UNC45B: variants seen among roughly 807,000 people sequenced by gnomAD.
UNC45B encodes unc-45 myosin chaperone B, also known as protein unc-45 homolog B.
A neutral mutation model predicts 98.7 loss-of-function variants in UNC45B; 78 were observed. The ratio of observed to expected loss-of-function variants is 0.79; its 90% CI spans 0.66 to 0.95. The LOEUF is 0.95. Among genes scored for constraint, UNC45B ranks in the 40% least tolerant of loss-of-function variants. The pLI, the probability that UNC45B is intolerant of heterozygous loss-of-function variation, is 0.00. For synonymous variants in UNC45B, 462 were observed against 480.4 expected, an observed-to-expected ratio of 0.96 and a Z score of 0.50; for missense variants, 1,225 against 1,184.9, an observed-to-expected ratio of 1.03 and a Z score of -0.50.
rs767007355 is a variant in UNC45B, at chr17:35,176,049, G to GC, written c.2025+17dup. On this transcript the variant is annotated intron_variant, in intron 15 of 19. Coordinates refer to ENST00000394570, the MANE Select transcript of UNC45B (RefSeq NM_001267052.2). ...GTGGTGGCAAGGTAACTGGGCAGGT[G>GC]CCTTCCTAGAAGGTGCCTTTGTGCA... 1.2e-6 allele frequency: 2 copies of GC among 1,613,270 alleles called. No individual in the cohort carries two copies. Among genetic ancestry groups the GC allele is most frequent in the Admixed American group, 3.3e-5 (2 of 59,990 alleles).
chr17:35,151,004 C>T (rs1049165402), intron 4 of UNC45B, among the ~76,000 whole-genome samples: 1 of 152,136 alleles, frequency 6.6e-6, no homozygotes, highest in African/African-American at 2.4e-5. Flanking sequence ...CAACCTCTTT[C>T]TCCTGGGTTT....
At chr17:35,152,477 T>G (rs1597905299) in intron 4 of UNC45B, among the ~76,000 whole-genome samples, 1 of 152,192 alleles carries the variant, frequency 6.6e-6, no homozygotes, top group Non-Finnish European at 1.5e-5. Context: ...TGAAAGCTGC[T>G]TCGTCTACAT....
At position 35,168,350 on chromosome 17, in the gene UNC45B, C is replaced by T. The variant is rs764784381; in HGVS notation, c.1441C>T (p.Arg481Cys). Residue 481 changes from arginine (R) to cysteine (C), a missense_variant, in exon 10 of 20, where the codon CGC becomes TGC. Coordinates refer to ENST00000394570, the MANE Select transcript of UNC45B (RefSeq NM_001267052.2). ...CACCAAAAATGAGAAGATCAAGATC[C>T]GCACACTGGTGGTGAGTGGGCTCGG... is the stretch of plus-strand genomic sequence containing the variant. ...KTTKNEKIKI[R>C]TLVGLCKLGS... The T allele has an allele frequency of 1.3e-5, 17 of 1,358,822 alleles. No homozygotes were observed. The highest frequency in any genetic ancestry group is 3.9e-4 in the Middle Eastern group (2 of 5,080). 84.2% of individuals were successfully genotyped at this position (1,358,822 alleles called of 1,614,324 possible). A position where few individuals can be genotyped will look rare whatever the true frequency, so the allele number is the denominator to read the frequency against.
chr17:35,187,017 C>T lies in UNC45B; in HGVS notation c.*458C>T, dbSNP rs1158919314. On this transcript the variant is annotated 3_prime_UTR_variant, in exon 20 of 20. Transcript: ENST00000394570. ...GACCTCTCTCCCACACTATTTGAATCAGTCTGTTCAGAACTGTGTGTTTCA... is the reference window on the plus strand; with the variant it reads ...GACCTCTCTCCCACACTATTTGAATTAGTCTGTTCAGAACTGTGTGTTTCA... 8 of 178,356 alleles carry T rather than the reference C, an allele frequency of 4.5e-5. 1 individual carries two copies. The highest frequency in any genetic ancestry group is 1.1e-4 in the Admixed American group (2 of 18,698). 11.0% of individuals were successfully genotyped at this position (178,356 alleles called of 1,614,324 possible).
rs143327878 is a variant in UNC45B at position 35,164,155 on chromosome 17, G to A, written c.1140G>A (p.Glu380=). ...PERDHFRKIC[E]EYITGKFDPQ... ...GCGATCACTTCCGCAAGATCTGTGA[G>A]GAATATATCACGTAAGTTTCCTGGA... The change falls in exon 9 of 20, where the codon GAG becomes GAA. Residue 380 remains glutamate, a synonymous_variant. Transcript: ENST00000394570. 540 of 1,609,770 alleles carry A rather than the reference G, an allele frequency of 3.4e-4. 4 individuals are homozygous for A. In the African/African-American group the frequency reaches 6.6e-3, roughly 20 times the overall value.
rs2062115 is a variant in UNC45B at position 35,171,623 on chromosome 17, A to C, written c.1830+161A>C. On this transcript the variant is annotated intron_variant, in intron 13 of 19. Coordinates refer to ENST00000394570, the MANE Select transcript of UNC45B (RefSeq NM_001267052.2). ...GAATATGTTAATGGTAAACTTTCCC[A>C]CCAGATGGTGCTCATGCTTTTTCTT... is the stretch of plus-strand genomic sequence containing the variant. Among the ~76,000 whole-genome samples the C allele has an allele frequency of 0.081, 12,370 of 152,314 alleles. 647 individuals are homozygous for C. Among genetic ancestry groups the C allele is most frequent in the East Asian group, 0.14 (737 of 5,186 alleles).
At chr17:35,180,486 TG>T in intron 17 of UNC45B, 72 bp from the exon 18 acceptor site, 3 of 1,187,072 alleles carry the variant, frequency 2.5e-6, no homozygotes, top group Non-Finnish European at 3.7e-6. Context: ...GAATGGTCCC[TG>T]GGTGGCCAGA....
chr17:35,185,161 C>T (rs1036085889), intron 19 of UNC45B, among the ~76,000 whole-genome samples: 1 of 152,106 alleles, frequency 6.6e-6, no homozygotes, highest in Non-Finnish European at 1.5e-5. Flanking sequence ...TGCTCAAAAG[C>T]CAAGAATTTG....
At position 35,148,371 on chromosome 17, in the gene UNC45B, C is replaced by A; in HGVS notation, c.108C>A (p.Thr36=). 1.2e-6 allele frequency: 2 copies of A among 1,614,104 alleles called. No individual in the cohort carries two copies. The highest frequency in any genetic ancestry group is 1.7e-6 in the Non-Finnish European group (2 of 1,180,014). Residue 36 remains threonine (T), a synonymous_variant, in exon 2 of 20, where the codon ACC becomes ACA. Transcript: ENST00000394570. The part of the protein sequence containing the change: ...TNSYSQALKL[T]KDKALLATLY... ...GCTACAGCCAGGCCCTGAAGCTGAC[C>A]AAGGACAAGGCCCTGCTGGCCACGC...
chr17:35,178,573 T>C (rs1009988474), intron 17 of UNC45B, among the ~76,000 whole-genome samples: 152 of 152,360 alleles, frequency 1.0e-3, no homozygotes, highest in African/African-American at 3.5e-3. Context: ...TTGGCTTTTG[T>C]TGCCATTGCT....
At chr17:35,175,430 G>A (rs2092225878) in intron 14 of UNC45B, among the ~76,000 whole-genome samples, 1 of 152,188 alleles carries the variant, frequency 6.6e-6, no homozygotes, top group South Asian at 2.1e-4. Context: ...TGGGTGGGCA[G>A]CTGGTAAGGC....
In UNC45B at chr17:35,176,997, G is replaced by T; in HGVS notation, c.2026-20G>T. The T allele has an allele frequency of 6.2e-7, 1 of 1,601,470 alleles. No homozygotes were observed. Among genetic ancestry groups the T allele is most frequent in the South Asian group, 1.1e-5 (1 of 90,572 alleles). On this transcript the variant is annotated intron_variant, in intron 15 of 19. Transcript: ENST00000394570. ...CTCTGGATGTCTGTGACTAAGTAGT[G>T]ACCTTGCCCTTTCTTGCAGGCCCTG...
At chr17:35,185,951 A>G (rs116473462) in intron 19 of UNC45B, among the ~76,000 whole-genome samples, 46 of 152,278 alleles carry the variant, frequency 3.0e-4, no homozygotes, top group African/African-American at 1.1e-3. Context: ...CCAAGATGAG[A>G]CAGTGTCATC....
Position 35,186,649 on chromosome 17 carries a change from G to T in UNC45B, c.*90G>T. On this transcript the variant is annotated 3_prime_UTR_variant, in exon 20 of 20. Coordinates refer to ENST00000394570, the MANE Select transcript of UNC45B (RefSeq NM_001267052.2). ...CTCCTGAAGAGTCAGGTCATCTAGG[G>T]ATCATAGCAGTGACAATGAAGTCTC... The T allele has an allele frequency of 7.0e-7, 1 of 1,424,902 alleles. No homozygotes were observed. The highest frequency in any genetic ancestry group is 9.6e-7 in the Non-Finnish European group (1 of 1,042,756). 88.3% of individuals were successfully genotyped at this position (1,424,902 alleles called of 1,614,324 possible).
intron 9 of UNC45B, among the ~76,000 whole-genome samples, chr17:35,167,538 C>A (rs1052225146): frequency 5.9e-5 from 9 of 151,584 alleles, no homozygotes; most frequent in African/African-American, 1.9e-4. Context: ...GGGAGGATTG[C>A]TTGAGCTTAG....
At chr17:35,182,595 TGGG>T (rs1426353425) in intron 18 of UNC45B, among the ~76,000 whole-genome samples, 2 of 151,906 alleles carry the variant, frequency 1.3e-5, no homozygotes, top group South Asian at 2.1e-4. Context: ...ATGTGAGAAA[TGGG>T]GGAATGTAGT....
At position 35,186,714 on chromosome 17, in the gene UNC45B, T is replaced by C; in HGVS notation, c.*155T>C. 1 of 829,196 alleles carries C rather than the reference T, an allele frequency of 1.2e-6. No homozygotes were observed. The highest frequency in any genetic ancestry group is 1.8e-6 in the Non-Finnish European group (1 of 550,970). 51.4% of individuals were successfully genotyped at this position (829,196 alleles called of 1,614,324 possible). ...ACTTGATTGTTCTCTGAGTTGTGAG[T>C]CTTCTCCTTTGTCCTGACAGAGTTT... On this transcript the variant is annotated 3_prime_UTR_variant, in exon 20 of 20. Coordinates refer to ENST00000394570, the MANE Select transcript of UNC45B (RefSeq NM_001267052.2).
intron 13 of UNC45B, 99 bp downstream of exon 13, chr17:35,171,561 T>G: frequency 6.9e-7 from 1 of 1,449,184 alleles, no homozygotes; most frequent in South Asian, 1.4e-5. Flanking sequence ...TGGCACGGTG[T>G]GTGTTTGGGT....
In UNC45B at chr17:35,189,011, T is replaced by G. The variant is rs752358635; in HGVS notation, c.*2452T>G. On this transcript the variant is annotated 3_prime_UTR_variant, in exon 20 of 20. Coordinates refer to ENST00000394570, the MANE Select transcript of UNC45B (RefSeq NM_001267052.2). Reference sequence around the variant, plus strand: ...AGATCATCTCTTTATTGAGGTAGTTTGCCCAAAAACAGCAAGGAACAGCCA... The same window carrying G: ...AGATCATCTCTTTATTGAGGTAGTTGGCCCAAAAACAGCAAGGAACAGCCA... The G allele has an allele frequency of 2.0e-5, 3 of 152,210 alleles. No individual in the cohort carries two copies. The highest frequency in any genetic ancestry group is 7.2e-5 in the African/African-American group (3 of 41,456). The allele number at this position is 152,210 out of a possible 1,614,324, so 9.4% of individuals were successfully genotyped here.
Sources: gnomAD v4.1 joint callset for allele counts (sites outside exome capture counted in the v4.1 genomes callset) on GRCh38, gnomAD v4.1.1 for gene constraint, MANE v1.5 for transcripts, NCBI Gene and HGNC (gene_info 2026-07-23, HGNC 2026-07-21) for gene names.